Variants in ARFGEF1 observed in about 807,000 individuals in gnomAD.
ARFGEF1 encodes brefeldin A-inhibited guanine nucleotide-exchange protein 1.
In ARFGEF1, 42 loss-of-function variants were observed where a neutral mutation model predicts 231.0. The observed-to-expected ratio is 0.18, with a 90% CI of 0.14 to 0.24. The LOEUF is 0.24. Among genes scored for constraint, ARFGEF1 ranks in the 10% least tolerant of loss-of-function variants. The pLI, the probability that ARFGEF1 is intolerant of heterozygous loss-of-function variation, is 1.00. For missense variants in ARFGEF1, 1,345 were observed against 2,192.0 expected, an observed-to-expected ratio of 0.61 and a Z score of 7.72; for synonymous variants, 710 against 732.3, an observed-to-expected ratio of 0.97 and a Z score of 0.49.
chr8:67,329,357 G>A (rs529961268), intron 1 of ARFGEF1, among the ~76,000 whole-genome samples: 13 of 151,774 alleles, frequency 8.6e-5, no homozygotes, highest in African/African-American at 1.9e-4. Context: ...GTGAAACCCC[G>A]TCTCTATTAA....
At chr8:67,217,950 T>C (rs1563842883) in intron 31 of ARFGEF1, 30 bp from the exon 32 acceptor site, 1 of 1,612,902 alleles carries the variant, frequency 6.2e-7, no homozygotes, top group South Asian at 1.1e-5. Flanking sequence ...TTCATTTATA[T>C]ATTACCAGGG....
intron 19 of ARFGEF1, among the ~76,000 whole-genome samples, chr8:67,248,032 T>C (rs1039332091): frequency 6.7e-6 from 1 of 150,250 alleles, no homozygotes; most frequent in Non-Finnish European, 1.5e-5. Flanking sequence ...AATTGAAAGA[T>C]ATTTTATGTT....
downstream of ARFGEF1, chr8:67,175,057 G>A (rs993012439): frequency 9.1e-6 from 4 of 440,152 alleles, no homozygotes; most frequent in African/African-American, 8.0e-5. Flanking sequence ...TCCACTGCTT[G>A]TTCTGGGGTA....
chr8:67,265,345 TTA>T (rs376396425), intron 14 of ARFGEF1, among the ~76,000 whole-genome samples: 86 of 152,150 alleles, frequency 5.7e-4, no homozygotes, highest in African/African-American at 1.9e-3. Flanking sequence ...ATTTTTAAGT[TTA>T]TAATAGTTAG....
In ARFGEF1 at chr8:67,198,184, C is replaced by T; in HGVS notation, c.*750G>A. 1.0e-6 allele frequency: 1 copy of T among 985,676 alleles called. No homozygotes were observed. The highest frequency in any genetic ancestry group is 1.1e-4 in the East Asian group (1 of 8,810). 61.1% of individuals were successfully genotyped at this position (985,676 alleles called of 1,614,324 possible). On this transcript the variant is annotated 3_prime_UTR_variant, in exon 39 of 39. Transcript: ENST00000262215. ...TTCCCTATTGTTGAAGTGTCGGCCA[C>T]AACAGCTTCTGGGCATGTTACAGCC...
intron 6 of ARFGEF1, among the ~76,000 whole-genome samples, chr8:67,291,330 T>G (rs1805998989): frequency 6.6e-6 from 1 of 152,084 alleles, no homozygotes; most frequent in African/African-American, 2.4e-5. Context: ...ATCTCAATTT[T>G]AGTGATTACT....
intron 6 of ARFGEF1, among the ~76,000 whole-genome samples, chr8:67,288,444 G>T (rs1368873963): frequency 6.6e-6 from 1 of 152,202 alleles, no homozygotes. Flanking sequence ...TATACTGAAT[G>T]TAAGTAGGCT....
At chr8:67,310,532 T>G (rs564531782) in intron 1 of ARFGEF1, among the ~76,000 whole-genome samples, 1 of 152,240 alleles carries the variant, frequency 6.6e-6, no homozygotes, top group East Asian at 1.9e-4. Flanking sequence ...ATCTGGGAAG[T>G]GAGGAGTGTC....
At chr8:67,183,383 G>T (rs1321710748) in intron 5 of ARFGEF1, among the ~76,000 whole-genome samples, 1 of 152,198 alleles carries the variant, frequency 6.6e-6, no homozygotes, top group Non-Finnish European at 1.5e-5. Flanking sequence ...CACCAGGACA[G>T]ATTACAATCT....
chr8:67,340,500 C>T lies in ARFGEF1; in HGVS notation c.124+2664G>A, dbSNP rs549210551. Among the ~76,000 whole-genome samples the T allele has an allele frequency of 1.5e-4, 23 of 152,304 alleles. No homozygotes were observed. The East Asian group carries it at 2.5e-3, about 17-fold the overall frequency. Reference sequence around the variant, plus strand: ...TGAAGTGGAGAAGATAAGTCTCTAACGGTCTTCAAGGACAATACATTTGTG... The same window carrying T: ...TGAAGTGGAGAAGATAAGTCTCTAATGGTCTTCAAGGACAATACATTTGTG... On this transcript the variant is annotated intron_variant, in intron 1 of 38. Transcript: ENST00000262215.
intron 5 of ARFGEF1, among the ~76,000 whole-genome samples, chr8:67,178,099 T>A (rs1376780464): frequency 6.6e-6 from 1 of 152,202 alleles, no homozygotes; most frequent in East Asian, 1.9e-4. Flanking sequence ...TGTAAGTGTT[T>A]ATTAAATAAA....
intron 1 of ARFGEF1, among the ~76,000 whole-genome samples, chr8:67,339,833 T>C (rs1334110745): frequency 1.4e-5 from 2 of 139,354 alleles, no homozygotes; most frequent in Non-Finnish European, 3.1e-5. Context: ...CATTCTTTAC[T>C]TCAAAATGAA....
intron 1 of ARFGEF1, among the ~76,000 whole-genome samples, chr8:67,307,720 A>T (rs543716223): frequency 5.3e-5 from 8 of 152,162 alleles, no homozygotes; most frequent in Non-Finnish European, 4.4e-5. Flanking sequence ...ACTGGGAGAG[A>T]GTGTGGCTGA....
At chr8:67,324,846 G>A (rs1807757032) in intron 1 of ARFGEF1, among the ~76,000 whole-genome samples, 1 of 151,494 alleles carries the variant, frequency 6.6e-6, no homozygotes, top group African/African-American at 2.4e-5. Context: ...TAAAACTGGA[G>A]TTCACAGTAA....
intron 1 of ARFGEF1, among the ~76,000 whole-genome samples, chr8:67,322,702 C>G (rs1417788893): frequency 2.0e-5 from 3 of 152,202 alleles, no homozygotes; most frequent in Non-Finnish European, 4.4e-5. Flanking sequence ...GAGACCGTCT[C>G]TTAAAAACAA....
At chr8:67,261,034 G>A (rs1023250974) in intron 14 of ARFGEF1, among the ~76,000 whole-genome samples, 3 of 152,208 alleles carry the variant, frequency 2.0e-5, no homozygotes, top group Non-Finnish European at 2.9e-5. Context: ...TGAAGCTGCA[G>A]AAGAAAATCT....
intron 1 of ARFGEF1, among the ~76,000 whole-genome samples, chr8:67,336,853 G>A (rs1393555853): frequency 2.0e-5 from 3 of 152,246 alleles, no homozygotes; most frequent in Middle Eastern, 3.4e-3. Flanking sequence ...AAGGCAGGCC[G>A]GGCGCGGTGG....
downstream of ARFGEF1, among the ~76,000 whole-genome samples, chr8:67,195,225 G>A (rs915850050): frequency 3.3e-5 from 5 of 151,908 alleles, no homozygotes; most frequent in African/African-American, 9.7e-5. Flanking sequence ...AGGGTGGGGT[G>A]GGGTGAGTCT....
chr8:67,205,141 A>AT lies in ARFGEF1; in HGVS notation c.4820-323dup, dbSNP rs148289116. Reference sequence around the variant, plus strand: ...ATAAACTTTCTTAAAACATTATGAGATTTTTTTTTTCTTAGCTCACTATTT... The same window carrying AT: ...ATAAACTTTCTTAAAACATTATGAGATTTTTTTTTTTCTTAGCTCACTATTT... On this transcript the variant is annotated intron_variant, in intron 34 of 38. Coordinates refer to ENST00000262215, the MANE Select transcript of ARFGEF1 (RefSeq NM_006421.5). Among the ~76,000 whole-genome samples, 315 of 151,322 alleles carry AT rather than the reference A, an allele frequency of 2.1e-3. 1 individual carries two copies. Among genetic ancestry groups the AT allele is most frequent in the African/African-American group, 3.8e-3 (157 of 41,274 alleles).
Sources: gnomAD v4.1 joint callset for allele counts (sites outside exome capture counted in the v4.1 genomes callset) on GRCh38, gnomAD v4.1.1 for gene constraint, MANE v1.5 for transcripts, NCBI Gene and HGNC (gene_info 2026-07-23, HGNC 2026-07-21) for gene names.